GPR39: variants seen among roughly 807,000 people sequenced by gnomAD.
The protein encoded by GPR39 is G protein-coupled receptor 39, also known as zinc sensing receptor.
In GPR39, 23 loss-of-function variants were observed where a neutral mutation model predicts 18.4. That is an observed-to-expected ratio of 1.25 (90% CI 0.90 to 1.77). GPR39 has a LOEUF of 1.77. Ranked by LOEUF, GPR39 falls within the 40% of genes most tolerant of loss-of-function variation. GPR39 has a pLI of 0.00. For missense variants in GPR39, 647 were observed against 602.4 expected (o/e 1.07, Z -0.78); for synonymous variants, 280 against 257.9 (o/e 1.09, Z -0.82).
chr2:132,447,269 G>A (rs980229449), intron 1 of GPR39, among the ~76,000 whole-genome samples: 1 of 152,192 alleles, frequency 6.6e-6, no homozygotes, highest in Non-Finnish European at 1.5e-5. Context: ...TGTCTCCAGA[G>A]CCTAGGAGCT....
In GPR39 at chr2:132,645,237, G is replaced by A. The variant is rs2104885963; in HGVS notation, c.993G>A (p.Thr331=). 6.2e-7 allele frequency: 1 copy of A among 1,614,154 alleles called. No homozygotes were observed. The highest frequency in any genetic ancestry group is 2.2e-5 in the East Asian group (1 of 44,880). ...TGATCCTCCTCCCCTTCTCGGAGAC[G>A]TTTTTCTACCTCAGCTCGGTCATCA... ...AYMILLPFSE[T]FFYLSSVINP... is the part of the protein sequence containing the mutation. The change falls in exon 2 of 2, where the codon ACG becomes ACA. Residue 331 remains threonine, a synonymous_variant. Transcript: ENST00000329321.
At chr2:132,589,662 C>T (rs1035929746) in intron 1 of GPR39, among the ~76,000 whole-genome samples, 2 of 152,186 alleles carry the variant, frequency 1.3e-5, no homozygotes, top group Non-Finnish European at 2.9e-5. Flanking sequence ...GCTTTTCTCA[C>T]TTGATGAACA....
intron 1 of GPR39, among the ~76,000 whole-genome samples, chr2:132,547,922 AATGACTTTT>A (rs1353664893): frequency 6.6e-6 from 1 of 152,138 alleles, no homozygotes; most frequent in Non-Finnish European, 1.5e-5. Context: ...TTTGCTTGTA[AATGACTTTT>A]ATGATAGATG....
At chr2:132,589,781 A>G (rs1680796723) in intron 1 of GPR39, among the ~76,000 whole-genome samples, 1 of 152,246 alleles carries the variant, frequency 6.6e-6, no homozygotes, top group Admixed American at 6.5e-5. Context: ...GATTAAAATT[A>G]CACTTAACTT....
At chr2:132,432,855 C>G (rs1680247624) in intron 1 of GPR39, among the ~76,000 whole-genome samples, 1 of 152,162 alleles carries the variant, frequency 6.6e-6, no homozygotes, top group Admixed American at 6.5e-5. Flanking sequence ...TAGACATAAA[C>G]TGGTCTAAGG....
intron 1 of GPR39, among the ~76,000 whole-genome samples, chr2:132,475,735 G>T (rs992303133): frequency 5.3e-5 from 8 of 152,200 alleles, no homozygotes; most frequent in African/African-American, 1.9e-4. Flanking sequence ...CCCTGAAGCT[G>T]CAGGAGACAA....
chr2:132,545,711 T>C (rs944288418), intron 1 of GPR39, among the ~76,000 whole-genome samples: 3 of 151,238 alleles, frequency 2.0e-5, no homozygotes, highest in African/African-American at 7.4e-5. Context: ...TGACAATTCT[T>C]CTCCACTTTC....
chr2:132,458,741 A>C (rs7605278), intron 1 of GPR39, among the ~76,000 whole-genome samples: 76,102 of 151,778 alleles, frequency 0.5, 20,853 homozygotes, highest in Non-Finnish European at 0.62. Context: ...AGGGAAGAGA[A>C]GAGAACCACA....
chr2:132,462,159 C>T (rs1248688367), intron 1 of GPR39, among the ~76,000 whole-genome samples: 2 of 152,178 alleles, frequency 1.3e-5, no homozygotes, highest in East Asian at 3.9e-4. Context: ...ATGAGATGTA[C>T]AGCAGTTTAT....
rs776791499 is a variant in GPR39, at chr2:132,492,282, TAC to T, written c.856+74387_856+74388del. Reference sequence around the variant, plus strand: ...ACCATATATATACATACCATATATATACACCATATATATACATACCATATATA... The same window carrying T: ...ACCATATATATACATACCATATATATACCATATATATACATACCATATATA... On this transcript the variant is annotated intron_variant, in intron 1 of 1. Transcript: ENST00000329321. 2.4e-3 allele frequency among the ~76,000 whole-genome samples: 311 copies of T among 131,278 alleles called. 18 individuals are homozygous for T. Among genetic ancestry groups the T allele is most frequent in the African/African-American group, 9.5e-3 (295 of 30,968 alleles). 86.1% of individuals were successfully genotyped at this position (131,278 alleles called of 152,430 possible). A position where few individuals can be genotyped will look rare whatever the true frequency, so the allele number is the denominator to read the frequency against.
At chr2:132,599,733 A>G (rs1435781664) in intron 1 of GPR39, among the ~76,000 whole-genome samples, 1 of 150,412 alleles carries the variant, frequency 6.6e-6, no homozygotes, top group Non-Finnish European at 1.5e-5. Flanking sequence ...AATTGCCGCC[A>G]TCTCTGATTT....
Position 132,646,277 on chromosome 2 carries a change from A to T in GPR39, c.*671A>T. ...TGATGCACAGGACTTGCGGTACATG[A>T]TCCCTGTAACACAGACCCAAAGGAG... On this transcript the variant is annotated 3_prime_UTR_variant, in exon 2 of 2. Coordinates refer to ENST00000329321, the MANE Select transcript of GPR39 (RefSeq NM_001508.3). The T allele has an allele frequency of 6.5e-7, 1 of 1,540,286 alleles. No individual in the cohort carries two copies. The highest frequency in any genetic ancestry group is 8.8e-7 in the Non-Finnish European group (1 of 1,139,560).
rs539513836 is a variant in GPR39 at position 132,454,222 on chromosome 2, T to A, written c.856+36324T>A. Among the ~76,000 whole-genome samples the A allele has an allele frequency of 1.1e-3, 162 of 152,300 alleles. 1 individual carries two copies. The highest frequency in any genetic ancestry group is 1.8e-3 in the Non-Finnish European group (120 of 68,020). ...ATCCCTTGTAAATTGAATTCCTAGG[T>A]ATTTTATTCTCTTTGTAGCAATTGT... On this transcript the variant is annotated intron_variant, in intron 1 of 1. Coordinates refer to ENST00000329321, the MANE Select transcript of GPR39 (RefSeq NM_001508.3).
intron 1 of GPR39, among the ~76,000 whole-genome samples, chr2:132,598,474 T>C (rs1680986022): frequency 6.7e-6 from 1 of 148,510 alleles, no homozygotes; most frequent in Non-Finnish European, 1.5e-5. Flanking sequence ...TTTTTTGTTG[T>C]TGTTGTTGTT....
At chr2:132,514,390 G>A (rs1018874811) in intron 1 of GPR39, among the ~76,000 whole-genome samples, 3 of 152,158 alleles carry the variant, frequency 2.0e-5, no homozygotes, top group African/African-American at 7.2e-5. Context: ...GGACCCCTTG[G>A]CCGGAGTTAT....
At chr2:132,633,164 T>C (rs1294875453) in intron 1 of GPR39, among the ~76,000 whole-genome samples, 3 of 152,140 alleles carry the variant, frequency 2.0e-5, no homozygotes, top group Non-Finnish European at 4.4e-5. Flanking sequence ...CCCCTTGTCA[T>C]TTCACCTGGA....
At position 132,646,257 on chromosome 2, in the gene GPR39, C is replaced by A. The variant is rs1682070322; in HGVS notation, c.*651C>A. Reference sequence around the variant, plus strand: ...GCGATGAGACAGGCCGCTGATGATGCACAGGACTTGCGGTACATGATCCCT... The same window carrying A: ...GCGATGAGACAGGCCGCTGATGATGAACAGGACTTGCGGTACATGATCCCT... On this transcript the variant is annotated 3_prime_UTR_variant, in exon 2 of 2. Transcript: ENST00000329321. 1 of 1,565,472 alleles carries A rather than the reference C, an allele frequency of 6.4e-7. No homozygotes were observed. The highest frequency in any genetic ancestry group is 1.8e-5 in the Admixed American group (1 of 55,208).
rs115109892 is a variant in GPR39, at chr2:132,508,768, G to A, written c.856+90870G>A. 4.4e-3 allele frequency among the ~76,000 whole-genome samples: 674 copies of A among 152,308 alleles called. 6 individuals carry two copies. Among genetic ancestry groups the A allele is most frequent in the African/African-American group, 0.015 (612 of 41,564 alleles). On this transcript the variant is annotated intron_variant, in intron 1 of 1. Transcript: ENST00000329321. ...CCCAGGGAGCCTCAGAGAGGTTCCT[G>A]GTTCACCATTTCACAGACAGAGACA...
At chr2:132,487,792 A>G (rs1681372014) in intron 1 of GPR39, among the ~76,000 whole-genome samples, 1 of 152,182 alleles carries the variant, frequency 6.6e-6, no homozygotes, top group African/African-American at 2.4e-5. Flanking sequence ...CGTAGAGGGT[A>G]GAATGAGAAA....
Sources: gnomAD v4.1 joint callset for allele counts (sites outside exome capture counted in the v4.1 genomes callset) on GRCh38, gnomAD v4.1.1 for gene constraint, MANE v1.5 for transcripts, NCBI Gene and HGNC (gene_info 2026-07-23, HGNC 2026-07-21) for gene names.